Variants in CSMD1 observed in about 807,000 individuals in gnomAD.
CSMD1 encodes CUB and sushi domain-containing protein 1.
Under a neutral mutation model 417.5 loss-of-function variants are expected in CSMD1, and 213 were observed. That is an observed-to-expected ratio of 0.51 (90% CI 0.46 to 0.57). The LOEUF is 0.57. Ranked by LOEUF, CSMD1 falls within the 20% of genes least tolerant of loss-of-function variation. The pLI, the probability that CSMD1 is intolerant of heterozygous loss-of-function variation, is 0.00. For missense variants in CSMD1, 6,923 were observed against 4,529.7 expected, an observed-to-expected ratio of 1.53 and a Z score of -15.17; for synonymous variants, 2,862 against 1,736.8, an observed-to-expected ratio of 1.65 and a Z score of -16.11.
intron 47 of CSMD1, among the ~76,000 whole-genome samples, chr8:3,092,762 T>C (rs1270529071): frequency 6.6e-6 from 1 of 152,196 alleles, no homozygotes; most frequent in Non-Finnish European, 1.5e-5. Flanking sequence ...GAGAAATTGC[T>C]TCATGGCACT....
At chr8:3,772,816 A>C (rs1798690135) in intron 5 of CSMD1, among the ~76,000 whole-genome samples, 1 of 151,944 alleles carries the variant, frequency 6.6e-6, no homozygotes, top group Non-Finnish European at 1.5e-5. Flanking sequence ...GTCTGTGTTT[A>C]AGCCATCTTA....
At chr8:4,591,887 G>A (rs150009242) in intron 2 of CSMD1, among the ~76,000 whole-genome samples, 5 of 152,206 alleles carry the variant, frequency 3.3e-5, no homozygotes, top group South Asian at 2.1e-4. Flanking sequence ...CGGTGGGGAG[G>A]CTGAAAGTTG....
At chr8:4,175,475 T>C (rs1010724246) in intron 3 of CSMD1, among the ~76,000 whole-genome samples, 2 of 152,192 alleles carry the variant, frequency 1.3e-5, no homozygotes, top group Admixed American at 6.5e-5. Flanking sequence ...GCATCCAAAA[T>C]TGTAAATATA....
chr8:4,010,171 C>G (rs12675311), intron 4 of CSMD1, among the ~76,000 whole-genome samples: 16,930 of 152,144 alleles, frequency 0.11, 1,104 homozygotes, highest in South Asian at 0.22. Context: ...TGTTTTACAT[C>G]TGTAGTCCAC....
chr8:4,170,905 C>T (rs1797729714), intron 3 of CSMD1, among the ~76,000 whole-genome samples: 1 of 151,812 alleles, frequency 6.6e-6, no homozygotes, highest in Admixed American at 6.6e-5. Flanking sequence ...ATCACTTTTC[C>T]CATTCACTTA....
At chr8:3,262,687 C>T (rs1158240897) in intron 26 of CSMD1, among the ~76,000 whole-genome samples, 1 of 151,942 alleles carries the variant, frequency 6.6e-6, no homozygotes, top group Non-Finnish European at 1.5e-5. Flanking sequence ...ACATGGAATA[C>T]CTGGTGTAAT....
chr8:4,875,019 C>A (rs944541575), intron 1 of CSMD1, among the ~76,000 whole-genome samples: 3 of 150,316 alleles, frequency 2.0e-5, no homozygotes, highest in Non-Finnish European at 4.4e-5. Flanking sequence ...CCTTTTCTCC[C>A]TTCCTCTTCT....
chr8:4,597,833 C>A (rs745883921), intron 2 of CSMD1, among the ~76,000 whole-genome samples: 1 of 152,100 alleles, frequency 6.6e-6, no homozygotes. Flanking sequence ...GCCTGCTTGT[C>A]CCCCAAACTC....
At chr8:4,636,870 G>C (rs1802842286) in intron 2 of CSMD1, among the ~76,000 whole-genome samples, 4 of 152,088 alleles carry the variant, frequency 2.6e-5, no homozygotes, top group South Asian at 4.1e-4. Flanking sequence ...TCTTACAAGA[G>C]GATTGTAAAA....
chr8:4,214,588 G>A (rs1220178002), intron 3 of CSMD1, among the ~76,000 whole-genome samples: 5 of 152,158 alleles, frequency 3.3e-5, no homozygotes, highest in African/African-American at 1.2e-4. Flanking sequence ...ATGAGCCACT[G>A]TGCCTGGCCC....
chr8:3,529,757 CA>C (rs1158166822), intron 10 of CSMD1, among the ~76,000 whole-genome samples: 1 of 152,170 alleles, frequency 6.6e-6, no homozygotes, highest in South Asian at 2.1e-4. Flanking sequence ...TTTAGCCATG[CA>C]AAATGCATCA....
At chr8:4,274,774 T>C (rs1204808676) in intron 3 of CSMD1, among the ~76,000 whole-genome samples, 6 of 152,106 alleles carry the variant, frequency 3.9e-5, no homozygotes, top group Admixed American at 1.3e-4. Flanking sequence ...ATTATTAGAA[T>C]TTTTTATCAC....
chr8:3,966,365 C>A (rs188408653), intron 5 of CSMD1, among the ~76,000 whole-genome samples: 55 of 152,280 alleles, frequency 3.6e-4, no homozygotes, highest in Admixed American at 1.6e-3. Flanking sequence ...AATTTATAAA[C>A]ATCCAAGTCT....
chr8:3,553,795 C>G (rs148291749), intron 10 of CSMD1, among the ~76,000 whole-genome samples: 134 of 152,156 alleles, frequency 8.8e-4, no homozygotes, highest in Admixed American at 8.4e-3. Context: ...GAAAAATAGG[C>G]AAATAATTTC....
At chr8:3,158,252 G>C (rs1317696504) in intron 38 of CSMD1, among the ~76,000 whole-genome samples, 1 of 151,636 alleles carries the variant, frequency 6.6e-6, no homozygotes, top group African/African-American at 2.4e-5. Flanking sequence ...TGATACTTAA[G>C]AGTACTGAAT....
At chr8:3,332,390 C>G (rs1308144822) in intron 23 of CSMD1, among the ~76,000 whole-genome samples, 1 of 152,206 alleles carries the variant, frequency 6.6e-6, no homozygotes, top group Non-Finnish European at 1.5e-5. Flanking sequence ...CTCTGAGTCT[C>G]TCCAGGTGGG....
At chr8:3,955,615 A>G (rs567743072) in intron 5 of CSMD1, among the ~76,000 whole-genome samples, 1 of 152,234 alleles carries the variant, frequency 6.6e-6, no homozygotes, top group African/African-American at 2.4e-5. Flanking sequence ...TGTAGTATTG[A>G]ATATCTCATC....
chr8:4,360,826 CAATT>C (rs1328753888), intron 3 of CSMD1, among the ~76,000 whole-genome samples: 15 of 151,776 alleles, frequency 9.9e-5, no homozygotes, highest in Admixed American at 2.6e-4. Flanking sequence ...GTTCCTGACA[CAATT>C]AATCACGGAG....
intron 2 of CSMD1, among the ~76,000 whole-genome samples, chr8:4,500,737 T>C (rs956412483): frequency 7.2e-5 from 11 of 152,178 alleles, no homozygotes; most frequent in Admixed American, 6.6e-5. Context: ...ATTTTACTTT[T>C]GGCCAGTTTC....
Sources: allele counts gnomAD v4.1 joint callset (sites outside exome capture counted in the v4.1 genomes callset), GRCh38; gene constraint gnomAD v4.1.1; transcripts MANE v1.5; gene names NCBI Gene and HGNC (gene_info 2026-07-23, HGNC 2026-07-21).